The following BCAS3 variants were observed in gnomAD, a reference collection of about 807,000 sequenced individuals.
BCAS3 encodes the protein BCAS4/BCAS3 fusion.
Under a neutral mutation model 116.1 loss-of-function variants are expected in BCAS3, and 53 were observed. The ratio of observed to expected loss-of-function variants is 0.46; its 90% confidence interval spans 0.37 to 0.57. The LOEUF is 0.57. Among genes scored for constraint, BCAS3 ranks in the 20% least tolerant of loss-of-function variants. The probability of loss-of-function intolerance (pLI) is 0.00; values close to 1 mark genes in which losing one functional copy is unlikely to be tolerated. For missense variants in BCAS3, 917 were observed against 1,165.4 expected, an observed-to-expected ratio of 0.79 and a Z score of 3.10; for synonymous variants, 391 against 408.2, an observed-to-expected ratio of 0.96 and a Z score of 0.51.
At chr17:60,757,394 A>ATGTGTGTGTGTGTGTGTGTG (rs61645091) in intron 6 of BCAS3, among the ~76,000 whole-genome samples, 9 of 136,606 alleles carry the variant, frequency 6.6e-5, no homozygotes, top group African/African-American at 2.5e-4. Flanking sequence ...CAGCATGTAT[A>ATGTGTGTGTGTGTGTGTGTG]TGTGTGTGTG....
chr17:60,961,124 A>G lies in BCAS3; in HGVS notation c.1221+13772A>G, dbSNP rs941155121. Among the ~76,000 whole-genome samples, 1 of 152,182 alleles carries G rather than the reference A, an allele frequency of 6.6e-6. No homozygotes were observed. The highest frequency in any genetic ancestry group is 2.4e-5 in the African/African-American group (1 of 41,460). ...AAATACCAGAAGATCCAAAGGAAGT[A>G]TTATTGAATGGTAAAATAAGAAGCA... On this transcript the variant is annotated intron_variant, in intron 14 of 23. Transcript: ENST00000407086. The surrounding 1 kb of genome is among the most constrained non-coding windows in gnomAD (Gnocchi z 4.8).
chr17:60,851,031 G>A (rs987458096), intron 7 of BCAS3, among the ~76,000 whole-genome samples: 5 of 152,124 alleles, frequency 3.3e-5, no homozygotes, highest in Admixed American at 6.5e-5. Context: ...GAGTTTTGGC[G>A]ATGACCTCTT....
intron 22 of BCAS3, among the ~76,000 whole-genome samples, chr17:61,273,464 A>G (rs959501557): frequency 2.4e-4 from 37 of 152,192 alleles, no homozygotes; most frequent in African/African-American, 8.4e-4. Flanking sequence ...TGTATGTCAT[A>G]TGTCTTTTAC....
chr17:60,729,041 T>A lies in BCAS3; in HGVS notation c.322-18157T>A, dbSNP rs2144146819. 1.3e-5 allele frequency among the ~76,000 whole-genome samples: 2 copies of A among 152,288 alleles called. 1 individual carries two copies. The highest frequency in any genetic ancestry group is 4.1e-4 in the South Asian group (2 of 4,826). Reference sequence around the variant, plus strand: ...AATCACTATTCTGACCCCATATTAGTTTTGCATGCATTGAACTTCATATAA... The same window carrying A: ...AATCACTATTCTGACCCCATATTAGATTTGCATGCATTGAACTTCATATAA... On this transcript the variant is annotated intron_variant, in intron 5 of 23. Transcript: ENST00000407086.
chr17:60,921,611 TC>T (rs1373477974), intron 12 of BCAS3, among the ~76,000 whole-genome samples: 1 of 60,312 alleles, frequency 1.7e-5, no homozygotes, highest in Non-Finnish European at 2.8e-5. Flanking sequence ...AGACTCCGTC[TC>T]AAAAAAAAAA....
chr17:60,803,405 G>A (rs951174383), intron 6 of BCAS3, among the ~76,000 whole-genome samples: 10 of 152,144 alleles, frequency 6.6e-5, no homozygotes, highest in South Asian at 2.1e-4. Flanking sequence ...AAGATTCTGC[G>A]ATGTAAAGTA....
chr17:60,710,570 T>G (rs558237205), intron 5 of BCAS3, among the ~76,000 whole-genome samples: 1 of 151,856 alleles, frequency 6.6e-6, no homozygotes, highest in Non-Finnish European at 1.5e-5. Flanking sequence ...TAGCTGGGAC[T>G]ATAGGCGCCC....
rs1371761131 is a variant in BCAS3 at position 61,106,977 on chromosome 17, T to A, written c.2425+22413T>A. On this transcript the variant is annotated intron_variant, in intron 22 of 23. Coordinates refer to ENST00000407086, the MANE Select transcript of BCAS3 (RefSeq NM_017679.5). This position sits in a 1 kb window ranked among gnomAD's most constrained non-coding sequence, Gnocchi z 4.2. ...ACTTTATGTTTACATATTGCCAGGT[T>A]GCCCTAAGTAAAGTTCTATCAATTT... is the stretch of plus-strand genomic sequence containing the variant. Among the ~76,000 whole-genome samples the A allele has an allele frequency of 6.6e-6, 1 of 152,198 alleles. No homozygotes were observed.
rs773703519 is a variant in BCAS3 at position 61,070,125 on chromosome 17, T to A, written c.2030-4795T>A. On this transcript the variant is annotated intron_variant, in intron 19 of 23. Coordinates refer to ENST00000407086, the MANE Select transcript of BCAS3 (RefSeq NM_017679.5). ...TCAAGTTTCCGCTGACCACTGAGTC[T>A]GCCATGAAGAAGACAGAAGACAACA... 21 of 1,572,952 alleles carry A rather than the reference T, an allele frequency of 1.3e-5. No homozygotes were observed. The Middle Eastern group carries it at 1.7e-3, about 125-fold the overall frequency.
chr17:61,049,542 A>G (rs535158346), intron 19 of BCAS3, among the ~76,000 whole-genome samples: 9 of 151,750 alleles, frequency 5.9e-5, no homozygotes, highest in Non-Finnish European at 1.2e-4. Flanking sequence ...AAAACTGCAG[A>G]TAGAAAAAGG....
intron 22 of BCAS3, among the ~76,000 whole-genome samples, chr17:61,146,430 C>T (rs368721778): frequency 1.3e-4 from 20 of 151,922 alleles, no homozygotes; most frequent in East Asian, 1.2e-3. Context: ...CAGCCAAGGT[C>T]GCTTACTTGT....
At chr17:61,266,409 C>G (rs932796613) in intron 22 of BCAS3, among the ~76,000 whole-genome samples, 2 of 152,150 alleles carry the variant, frequency 1.3e-5, no homozygotes, top group Admixed American at 1.3e-4. Flanking sequence ...ATGCTTCTCA[C>G]AAGAAAATTC....
intron 22 of BCAS3, among the ~76,000 whole-genome samples, chr17:61,110,615 G>A (rs1417387331): frequency 6.6e-6 from 1 of 152,178 alleles, no homozygotes; most frequent in African/African-American, 2.4e-5. Flanking sequence ...CTCGCTGATT[G>A]CTAGCACAGC....
chr17:61,031,647 A>G (rs1166194432), intron 16 of BCAS3, among the ~76,000 whole-genome samples: 1 of 152,046 alleles, frequency 6.6e-6, no homozygotes, highest in East Asian at 1.9e-4. Flanking sequence ...TTGATGATAG[A>G]AATAACTTGA....
chr17:61,031,627 A>C (rs2066647035), intron 16 of BCAS3, among the ~76,000 whole-genome samples: 2 of 152,030 alleles, frequency 1.3e-5, no homozygotes, highest in African/African-American at 2.4e-5. Flanking sequence ...CAATCATTCC[A>C]GATTATAGAT....
intron 10 of BCAS3, among the ~76,000 whole-genome samples, chr17:60,895,876 G>C (rs2057474799): frequency 6.6e-6 from 1 of 152,198 alleles, no homozygotes; most frequent in African/African-American, 2.4e-5. Context: ...TGTGGTCTGA[G>C]AAGATACTTG....
chr17:60,932,138 T>C (rs2059679667), intron 13 of BCAS3, among the ~76,000 whole-genome samples: 1 of 152,196 alleles, frequency 6.6e-6, no homozygotes, highest in Non-Finnish European at 1.5e-5. Context: ...TAGTTGTTTC[T>C]GTTTTCATTA....
chr17:60,958,212 G>T (rs1247344446), intron 14 of BCAS3, among the ~76,000 whole-genome samples: 1 of 152,196 alleles, frequency 6.6e-6, no homozygotes, highest in Non-Finnish European at 1.5e-5. Flanking sequence ...CATGGGAGCT[G>T]CAGAGAGAGA....
At chr17:61,061,395 G>T (rs1164360234) in intron 19 of BCAS3, among the ~76,000 whole-genome samples, 14 of 151,994 alleles carry the variant, frequency 9.2e-5, no homozygotes, top group African/African-American at 3.1e-4. Flanking sequence ...CCCCATCCTC[G>T]CCTGCTTTTT....
Sources: gnomAD v4.1 joint callset for allele counts (sites outside exome capture counted in the v4.1 genomes callset) on GRCh38, gnomAD v4.1.1 for gene constraint, Gnocchi (gnomAD v3.1) non-coding constraint, MANE v1.5 for transcripts, NCBI Gene and HGNC (gene_info 2026-07-23, HGNC 2026-07-21) for gene names.